SYCP2L: variants seen among roughly 807,000 people sequenced by gnomAD.
SYCP2L encodes the protein synaptonemal complex protein 2-like.
In SYCP2L, 98 loss-of-function variants were observed where a neutral mutation model predicts 125.8. The ratio of observed to expected loss-of-function variants is 0.78; its 90% CI spans 0.66 to 0.92. The LOEUF (loss-of-function observed/expected upper bound fraction) is 0.92. Ranked by LOEUF, SYCP2L falls within the 40% of genes least tolerant of loss-of-function variation. SYCP2L has a pLI of 0.00. For missense variants in SYCP2L, 842 were observed against 936.4 expected, an observed-to-expected ratio of 0.90 and a Z score of 1.32; for synonymous variants, 317 against 325.4, an observed-to-expected ratio of 0.97 and a Z score of 0.28.
At chr6:10,939,060 C>G (rs1376578872) in intron 21 of SYCP2L, among the ~76,000 whole-genome samples, 1 of 151,704 alleles carries the variant, frequency 6.6e-6, no homozygotes, top group Non-Finnish European at 1.5e-5. Context: ...GTGCAGGTTG[C>G]AGTGAGCTGA....
Position 10,953,573 on chromosome 6 carries a change from C to T in SYCP2L, c.1955-1543C>T, listed in dbSNP as rs139528488. 2.6e-5 allele frequency among the ~76,000 whole-genome samples: 4 copies of T among 152,278 alleles called. No homozygotes were observed. The East Asian group carries it at 7.7e-4, about 29-fold the overall frequency. On this transcript the variant is annotated intron_variant, in intron 23 of 29. Coordinates refer to ENST00000283141, the MANE Select transcript of SYCP2L (RefSeq NM_001040274.3). Reference sequence around the variant, plus strand: ...ACTCTTATCTGTTGTATTGAGATCTCCATTGGGCATATCAGGTGTTTTATT... The same window carrying T: ...ACTCTTATCTGTTGTATTGAGATCTTCATTGGGCATATCAGGTGTTTTATT...
intron 4 of SYCP2L, among the ~76,000 whole-genome samples, chr6:10,895,584 C>T (rs917188902): frequency 1.2e-4 from 18 of 150,692 alleles, no homozygotes; most frequent in South Asian, 2.2e-4. Context: ...GCTACCGTGG[C>T]GTGCCTGGGC....
intron 21 of SYCP2L, among the ~76,000 whole-genome samples, chr6:10,940,812 G>A (rs768772148): frequency 8.5e-5 from 13 of 152,100 alleles, no homozygotes; most frequent in East Asian, 1.9e-4. Context: ...TCATTACACC[G>A]TATATATGTA....
chr6:10,902,959 C>T lies in SYCP2L; in HGVS notation c.637C>T (p.Leu213Phe). Residue 213 changes from leucine (L) to phenylalanine (F), a missense_variant, in exon 8 of 30, where the codon CTT becomes TTT. Physicochemically the swap from Leu to Phe is conservative, Grantham distance 22 (BLOSUM62 0). Transcript: ENST00000283141. ...CCCTTTGTCAGAAGGCATGTGTCATCTTATGTAAGTGACTTTGTATAAGTT... is the reference window on the plus strand; with the variant it reads ...CCCTTTGTCAGAAGGCATGTGTCATTTTATGTAAGTGACTTTGTATAAGTT... Reference protein sequence around the residue: ...KFPLSEGMCHLMKDLARTLLT... With the variant: ...KFPLSEGMCHFMKDLARTLLT... 6.2e-7 allele frequency: 1 copy of T among 1,613,586 alleles called. No individual in the cohort carries two copies. Among genetic ancestry groups the T allele is most frequent in the South Asian group, 1.1e-5 (1 of 91,044 alleles).
chr6:10,914,483 G>T (rs780067963), intron 14 of SYCP2L, among the ~76,000 whole-genome samples: 1 of 152,078 alleles, frequency 6.6e-6, no homozygotes, highest in Non-Finnish European at 1.5e-5. Flanking sequence ...CTTTGGCTAC[G>T]TGGGCTCTTT....
rs1408185114 is a variant in SYCP2L at position 10,974,214 on chromosome 6, T to C, written c.*300T>C. On this transcript the variant is annotated 3_prime_UTR_variant, in exon 30 of 30. Coordinates refer to ENST00000283141, the MANE Select transcript of SYCP2L (RefSeq NM_001040274.3). ...GATGTTAAACAACTTGGAGTGGTGT[T>C]GCTTTTTTTTTATAAAAGTAAAATG... is the stretch of plus-strand genomic sequence containing the variant. 1 of 105,518 alleles carries C rather than the reference T, an allele frequency of 9.5e-6. No homozygotes were observed. The allele number at this position is 105,518 out of a possible 1,614,324, so 6.5% of individuals were successfully genotyped here.
intron 23 of SYCP2L, among the ~76,000 whole-genome samples, chr6:10,950,939 C>T (rs1781399719): frequency 6.6e-6 from 1 of 152,074 alleles, no homozygotes; most frequent in Non-Finnish European, 1.5e-5. Flanking sequence ...GGATTATAGG[C>T]ATGAGCCACA....
intron 14 of SYCP2L, among the ~76,000 whole-genome samples, chr6:10,913,555 T>A (rs1780642627): frequency 1.3e-5 from 2 of 152,188 alleles, no homozygotes; most frequent in Admixed American, 1.3e-4. Context: ...CTTACCCCAC[T>A]TTTGGATGGG....
Position 10,942,712 on chromosome 6 carries a change from C to T in SYCP2L, c.1920C>T (p.Ser640=). The T allele has an allele frequency of 1.9e-6, 3 of 1,611,962 alleles. No individual in the cohort carries two copies. Among genetic ancestry groups the T allele is most frequent in the Non-Finnish European group, 2.5e-6 (3 of 1,179,686 alleles). ...VNQESLTEST[S]LKHKLRNLED... is the part of the protein sequence containing the mutation. Reference sequence around the variant, plus strand: ...AAGAATCACTAACAGAAAGTACTAGCTTGAAACATAAGCTGAGAAACTTGG... The same window carrying T: ...AAGAATCACTAACAGAAAGTACTAGTTTGAAACATAAGCTGAGAAACTTGG... Residue 640 remains serine (S), a synonymous_variant, in exon 23 of 30, where the codon AGC becomes AGT. Transcript: ENST00000283141.
rs376256728 is a variant in SYCP2L at position 10,912,726 on chromosome 6, A to G, written c.972A>G (p.Leu324=). ...KLEKFWIDFN[L]GSQSVTFYID... The stretch of plus-strand genomic sequence containing the variant: ...AGAAATTTTGGATCGACTTCAACCT[A>G]GGAAGTCAGAGTGTCACTTTTTATA... Residue 324 remains leucine, a synonymous_variant, in exon 13 of 30, where the codon CTA becomes CTG. Transcript: ENST00000283141. This position sits in a 1 kb window ranked among gnomAD's most constrained non-coding sequence, Gnocchi z 4.1. 1.0e-4 allele frequency: 164 copies of G among 1,613,684 alleles called. No individual in the cohort carries two copies. The highest frequency in any genetic ancestry group is 1.3e-4 in the Non-Finnish European group (150 of 1,179,920).
rs1253096840 is a variant in SYCP2L at position 10,954,261 on chromosome 6, TG to T, written c.1955-851del. Among the ~76,000 whole-genome samples, 1 of 151,172 alleles carries T rather than the reference TG, an allele frequency of 6.6e-6. No homozygotes were observed. The highest frequency in any genetic ancestry group is 1.5e-5 in the Non-Finnish European group (1 of 67,804). On this transcript the variant is annotated intron_variant, in intron 23 of 29. Coordinates refer to ENST00000283141, the MANE Select transcript of SYCP2L (RefSeq NM_001040274.3). The surrounding 1 kb of genome is among the most constrained non-coding windows in gnomAD (Gnocchi z 4.8). ...TTTAAGTGGGAGGGATAGACTCGAG[TG>T]GGGTTTGAAGTAAAGATGTCAAATA...
intron 23 of SYCP2L, among the ~76,000 whole-genome samples, chr6:10,952,793 C>CT (rs996607532): frequency 1.7e-4 from 26 of 151,302 alleles, no homozygotes; most frequent in African/African-American, 5.6e-4. Flanking sequence ...TAATTGGGTT[C>CT]TTTTTTTTTA....
intron 20 of SYCP2L, among the ~76,000 whole-genome samples, chr6:10,932,523 C>G (rs772218210): frequency 3.9e-5 from 6 of 152,200 alleles, no homozygotes; most frequent in African/African-American, 9.6e-5. Context: ...TTAATCACAT[C>G]TTCATCGTCT....
At chr6:10,937,888 C>G (rs1447496797) in intron 21 of SYCP2L, among the ~76,000 whole-genome samples, 2 of 152,052 alleles carry the variant, frequency 1.3e-5, no homozygotes, top group East Asian at 3.8e-4. Context: ...GCTGAACAGA[C>G]CCATAATGAG....
chr6:10,930,509 T>C lies in SYCP2L; in HGVS notation c.1628T>C (p.Leu543Ser). 1 of 1,609,720 alleles carries C rather than the reference T, an allele frequency of 6.2e-7. No individual in the cohort carries two copies. Among genetic ancestry groups the C allele is most frequent in the African/African-American group, 1.3e-5 (1 of 74,790 alleles). The stretch of plus-strand genomic sequence containing the variant: ...AAGAAGACAAGAACCAGAAGTAATT[T>C]GAGAAGTAAGTCTGGCATGTCTTCT... ...SRKKTRTRSN[L>S]RILPVFPPSS... is the part of the protein sequence containing the mutation. The change falls in exon 19 of 30, where the codon TTG becomes TCG. Residue 543 changes from leucine to serine, a missense_variant. By Grantham distance (145) the Leu-to-Ser change is moderately radical (BLOSUM62 -2). Coordinates refer to ENST00000283141, the MANE Select transcript of SYCP2L (RefSeq NM_001040274.3).
At chr6:10,930,963 A>T (rs1038695773) in intron 19 of SYCP2L, among the ~76,000 whole-genome samples, 10 of 152,216 alleles carry the variant, frequency 6.6e-5, no homozygotes, top group Admixed American at 5.9e-4. Context: ...GTTTGAGCCC[A>T]GGAGTTTGAG....
intron 19 of SYCP2L, 21 bp from the exon 20 acceptor site, chr6:10,931,419 A>G: frequency 1.9e-6 from 3 of 1,613,882 alleles, no homozygotes; most frequent in South Asian, 1.1e-5. Context: ...TATGTTGTGC[A>G]CTTGTTTTCT....
At chr6:10,970,210 G>A (rs1781748119) in intron 29 of SYCP2L, among the ~76,000 whole-genome samples, 1 of 152,196 alleles carries the variant, frequency 6.6e-6, no homozygotes, top group Non-Finnish European at 1.5e-5. Context: ...CAGCAGCAGG[G>A]AAGACTGAGG....
At chr6:10,920,327 C>T (rs1196099755) in intron 14 of SYCP2L, among the ~76,000 whole-genome samples, 6 of 152,194 alleles carry the variant, frequency 3.9e-5, no homozygotes, top group Non-Finnish European at 2.9e-5. Context: ...AAACGATTCT[C>T]CTGCCTCAGC....
Sources: allele counts gnomAD v4.1 joint callset (sites outside exome capture counted in the v4.1 genomes callset), GRCh38; gene constraint gnomAD v4.1.1; non-coding constraint Gnocchi (gnomAD v3.1); transcripts MANE v1.5; gene names NCBI Gene and HGNC (gene_info 2026-07-23, HGNC 2026-07-21).